FOXRED2: variants seen among roughly 807,000 people sequenced by gnomAD.
FOXRED2 encodes FAD dependent oxidoreductase domain containing 2.
Under a neutral mutation model 52.5 loss-of-function variants are expected in FOXRED2, and 32 were observed. The ratio of observed to expected loss-of-function variants is 0.61; its 90% CI spans 0.46 to 0.82. The LOEUF (loss-of-function observed/expected upper bound fraction) is 0.82. FOXRED2 is among the 40% of genes least tolerant of loss of function. The probability of loss-of-function intolerance (pLI) is 0.00; values close to 1 mark genes in which losing one functional copy is unlikely to be tolerated. For synonymous variants in FOXRED2, 405 were observed against 398.1 expected (o/e 1.02, Z -0.21); for missense variants, 848 against 937.5 (o/e 0.90, Z 1.25).
At chr22:36,506,558 G>A (rs946269163) in intron 1 of FOXRED2, 135 bp from the exon 2 acceptor site, 1 of 866,424 alleles carries the variant, frequency 1.2e-6, no homozygotes, top group Non-Finnish European at 1.7e-6. Flanking sequence ...CGTCCTCAGA[G>A]CTCATTTGCC....
intron 7 of FOXRED2, among the ~76,000 whole-genome samples, chr22:36,494,094 A>C (rs1415830595): frequency 1.3e-5 from 2 of 152,198 alleles, no homozygotes; most frequent in African/African-American, 4.8e-5. Flanking sequence ...ACATGGACTG[A>C]GATCTACTGT....
chr22:36,492,327 T>C (rs1156326849), intron 8 of FOXRED2, among the ~76,000 whole-genome samples: 1 of 152,218 alleles, frequency 6.6e-6, no homozygotes, highest in East Asian at 1.9e-4. Context: ...GAGGGACGGC[T>C]GCCACTATGC....
chr22:36,500,261 G>GT (rs1047717385), intron 5 of FOXRED2, among the ~76,000 whole-genome samples: 2 of 152,166 alleles, frequency 1.3e-5, no homozygotes, highest in African/African-American at 4.8e-5. Context: ...GAGCCTCAGA[G>GT]TTTTACACTC....
chr22:36,497,457 C>T lies in FOXRED2; in HGVS notation c.1382+534G>A, dbSNP rs183819537. ...GCTATAGCACGCCCTGCCTTTGGAT[C>T]GGGCTGTTCCCTCTGACTGAAGGTT... is the stretch of plus-strand genomic sequence containing the variant. On this transcript the variant is annotated intron_variant, in intron 6 of 8. Transcript: ENST00000397224. Among the ~76,000 whole-genome samples, 529 of 152,314 alleles carry T rather than the reference C, an allele frequency of 3.5e-3. 5 individuals carry two copies. The highest frequency in any genetic ancestry group is 4.0e-3 in the Non-Finnish European group (269 of 68,024).
chr22:36,501,582 TC>T (rs1934051420), intron 4 of FOXRED2, among the ~76,000 whole-genome samples, 175 bp from the exon 5 acceptor site: 1 of 152,104 alleles, frequency 6.6e-6, no homozygotes, highest in Non-Finnish European at 1.5e-5. Flanking sequence ...TGCCTGAGCC[TC>T]CCGAGTAGCT....
rs962834240 is a variant in FOXRED2 at position 36,490,185 on chromosome 22, C to T, written c.1878G>A (p.Val626=). The T allele has an allele frequency of 6.2e-7, 1 of 1,613,982 alleles. No homozygotes were observed. Among genetic ancestry groups the T allele is most frequent in the Non-Finnish European group, 8.5e-7 (1 of 1,179,952 alleles). ...TGTGCTGCCAAAGGCTCTCGGTACTCACGAGTCCCTGCATCCTCAGGTACC... is the reference window on the plus strand; with the variant it reads ...TGTGCTGCCAAAGGCTCTCGGTACTTACGAGTCCCTGCATCCTCAGGTACC... The part of the protein sequence containing the change: ...QQGYLRMQGL[V]STESLWQHRV... Residue 626 remains valine (V), a synonymous_variant, in exon 9 of 9, where the codon GTG becomes GTA. Transcript: ENST00000397224.
At chr22:36,505,606 CA>C (rs1285231779) in intron 2 of FOXRED2, among the ~76,000 whole-genome samples, 1 of 151,910 alleles carries the variant, frequency 6.6e-6, no homozygotes, top group Admixed American at 6.6e-5. Flanking sequence ...TCATCTCCAC[CA>C]AAAATATAAA....
chr22:36,490,161 G>T lies in FOXRED2; in HGVS notation c.1902C>A (p.His634Gln). 1.2e-6 allele frequency: 2 copies of T among 1,614,190 alleles called. No homozygotes were observed. Among genetic ancestry groups the T allele is most frequent in the South Asian group, 1.1e-5 (1 of 91,092 alleles). ...CCCGCAGGAGCCTGCTCTCCACTCTGTGCTGCCAAAGGCTCTCGGTACTCA... is the reference window on the plus strand; with the variant it reads ...CCCGCAGGAGCCTGCTCTCCACTCTTTGCTGCCAAAGGCTCTCGGTACTCA... Reference protein sequence around the residue: ...GLVSTESLWQHRVESRLLRDY... With the variant: ...GLVSTESLWQQRVESRLLRDY... The change falls in exon 9 of 9, where the codon CAC (histidine) becomes CAA (glutamine). Residue 634 changes from histidine (H) to glutamine (Q), a missense_variant. His to Gln is a conservative substitution (Grantham distance 24). Coordinates refer to ENST00000397224, the MANE Select transcript of FOXRED2 (RefSeq NM_001102371.2).
At chr22:36,496,433 A>T (rs1002445144) in intron 6 of FOXRED2, among the ~76,000 whole-genome samples, 3 of 152,192 alleles carry the variant, frequency 2.0e-5, no homozygotes, top group Non-Finnish European at 4.4e-5. Context: ...CTGGGGAAAG[A>T]GTGTCCCAGG....
In FOXRED2 at chr22:36,489,981, C is replaced by T; in HGVS notation, c.*27G>A. On this transcript the variant is annotated 3_prime_UTR_variant, in exon 9 of 9. Coordinates refer to ENST00000397224, the MANE Select transcript of FOXRED2 (RefSeq NM_001102371.2). ...GGGCCTAGGTGGGGAGGCCTGGCCA[C>T]TGTGCCCACAGCTTAGGAAGGGACA... 6.5e-7 allele frequency: 1 copy of T among 1,527,552 alleles called. No homozygotes were observed. The highest frequency in any genetic ancestry group is 8.8e-7 in the Non-Finnish European group (1 of 1,134,818). The allele number at this position is 1,527,552 out of a possible 1,614,324, so 94.6% of individuals were successfully genotyped here. A position where few individuals can be genotyped will look rare whatever the true frequency, so the allele number is the denominator to read the frequency against.
chr22:36,496,946 C>T (rs1365359655), intron 6 of FOXRED2, among the ~76,000 whole-genome samples: 1 of 152,144 alleles, frequency 6.6e-6, no homozygotes, highest in Non-Finnish European at 1.5e-5. Flanking sequence ...TTTGGGAGAC[C>T]AAGGCGGGTG....
chr22:36,506,498 G>C, intron 1 of FOXRED2, 75 bp from the exon 2 acceptor site: 1 of 1,356,800 alleles, frequency 7.4e-7, no homozygotes, highest in Non-Finnish European at 9.6e-7. Context: ...AAAGAGGCGG[G>C]GCCTGCGGGA....
Position 36,493,875 on chromosome 22 carries a change from C to T in FOXRED2, c.1625-72G>A, listed in dbSNP as rs1348058967. 24 of 1,378,030 alleles carry T rather than the reference C, an allele frequency of 1.7e-5. No homozygotes were observed. The East Asian group carries it at 2.1e-4, about 12-fold the overall frequency. 85.4% of individuals were successfully genotyped at this position (1,378,030 alleles called of 1,614,324 possible). Reference sequence around the variant, plus strand: ...TTCCCCTCCTCGGGCCGACACAGCACGGATCCCACACAGCCCAAACACTTC... The same window carrying T: ...TTCCCCTCCTCGGGCCGACACAGCATGGATCCCACACAGCCCAAACACTTC... On this transcript the variant is annotated intron_variant, in intron 7 of 8. Coordinates refer to ENST00000397224, the MANE Select transcript of FOXRED2 (RefSeq NM_001102371.2).
chr22:36,491,922 G>A (rs1184534005), intron 8 of FOXRED2, among the ~76,000 whole-genome samples: 1 of 152,152 alleles, frequency 6.6e-6, no homozygotes, highest in East Asian at 1.9e-4. Flanking sequence ...GACAAGGGCA[G>A]ACAGAGTGTC....
In FOXRED2 at chr22:36,506,053, C is replaced by T; in HGVS notation, c.370G>A (p.Asp124Asn). ...YSRAYFPDAR[D>N]MVRYLGDFAD... ...AAGTCACCCAGGTAGCGCACCATGT[C>T]GCGGGCGTCGGGGAAGTAGGCACGC... is the stretch of plus-strand genomic sequence containing the variant. The change falls in exon 2 of 9, where the codon GAC becomes AAC. Residue 124 changes from aspartate to asparagine, a missense_variant. Asp to Asn is a conservative substitution (Grantham distance 23). Transcript: ENST00000397224. The T allele has an allele frequency of 6.2e-7, 1 of 1,614,236 alleles. No homozygotes were observed. The highest frequency in any genetic ancestry group is 8.5e-7 in the Non-Finnish European group (1 of 1,180,052).
intron 1 of FOXRED2, 184 bp from the exon 2 acceptor site, chr22:36,506,607 G>A (rs1188409995): frequency 5.6e-6 from 3 of 535,144 alleles, no homozygotes; most frequent in African/African-American, 4.0e-5. Context: ...GGGGCTCCCC[G>A]GAATCCCGAG....
intron 6 of FOXRED2, 48 bp downstream of exon 6, chr22:36,497,943 G>A (rs374472346): frequency 2.3e-4 from 356 of 1,581,520 alleles, no homozygotes; most frequent in Non-Finnish European, 2.8e-4. Flanking sequence ...TATGCAGCAC[G>A]TCGGGAAAGC....
chr22:36,501,422 G>C lies in FOXRED2; in HGVS notation c.1050-15C>G, dbSNP rs1251184867. On this transcript the variant is annotated splice_polypyrimidine_tract_variant and intron_variant, in intron 4 of 8. Coordinates refer to ENST00000397224, the MANE Select transcript of FOXRED2 (RefSeq NM_001102371.2). ...GTCTGAGGGACCTGTCAGTGGAAAG[G>C]GCTGTTCATGAAAATAGCTGCTATG... The C allele has an allele frequency of 1.2e-6, 2 of 1,612,958 alleles. No homozygotes were observed. The highest frequency in any genetic ancestry group is 1.7e-6 in the Non-Finnish European group (2 of 1,179,218).
chr22:36,491,140 T>A (rs1008142257), intron 8 of FOXRED2, among the ~76,000 whole-genome samples: 1 of 151,150 alleles, frequency 6.6e-6, no homozygotes. Context: ...CCAGCCTGGG[T>A]GACAGAGACT....
Sources: gnomAD v4.1 joint callset for allele counts (sites outside exome capture counted in the v4.1 genomes callset) on GRCh38, gnomAD v4.1.1 for gene constraint, MANE v1.5 for transcripts, NCBI Gene and HGNC (gene_info 2026-07-23, HGNC 2026-07-21) for gene names.